Variants in ACBD6 observed in about 807,000 individuals in gnomAD.
ACBD6 encodes the protein acyl-CoA-binding domain-containing protein 6.
ACBD6 carries 28 observed loss-of-function variants against 37.2 expected under a neutral mutation model. That is an observed-to-expected ratio of 0.75 (90% CI 0.56 to 1.03). The LOEUF (loss-of-function observed/expected upper bound fraction) is 1.03. Among genes scored for constraint, ACBD6 ranks in the 50% least tolerant of loss-of-function variants. The pLI, the probability that ACBD6 is intolerant of heterozygous loss-of-function variation, is 0.00. For missense variants in ACBD6, 340 were observed against 337.4 expected (o/e 1.01, Z -0.06); for synonymous variants, 113 against 126.8 (o/e 0.89, Z 0.73).
At chr1:180,451,815 A>G (rs1649719449) in intron 3 of ACBD6, among the ~76,000 whole-genome samples, 1 of 152,246 alleles carries the variant, frequency 6.6e-6, no homozygotes, top group Non-Finnish European at 1.5e-5. Context: ...GTACAACTTC[A>G]TGAATATGCT....
chr1:180,274,133 G>A, intron 10 of ACBD6: 3 of 1,608,046 alleles, frequency 1.9e-6, no homozygotes, highest in South Asian at 1.1e-5. Flanking sequence ...AAGAGCAGGG[G>A]ACCATCAGAG....
chr1:180,299,236 C>T (rs1160363618), intron 7 of ACBD6, among the ~76,000 whole-genome samples: 3 of 152,108 alleles, frequency 2.0e-5, no homozygotes, highest in African/African-American at 7.2e-5. Flanking sequence ...GTGTACTCTG[C>T]CCACCCTTTC....
intron 3 of ACBD6, among the ~76,000 whole-genome samples, chr1:180,479,193 C>T (rs1204648178): frequency 6.6e-6 from 1 of 152,172 alleles, no homozygotes; most frequent in East Asian, 1.9e-4. Context: ...GAAATCAATA[C>T]TTGCATGCTT....
chr1:180,396,112 A>G (rs936278215), intron 6 of ACBD6, among the ~76,000 whole-genome samples: 2 of 152,158 alleles, frequency 1.3e-5, no homozygotes, highest in Non-Finnish European at 2.9e-5. Flanking sequence ...ACAGAAATAG[A>G]AAGTAGAATG....
intron 6 of ACBD6, among the ~76,000 whole-genome samples, chr1:180,353,785 C>CAAAAAAAA (rs56286672): frequency 4.1e-4 from 8 of 19,722 alleles, no homozygotes; most frequent in African/African-American, 1.2e-3. Flanking sequence ...TTAACAACCA[C>CAAAAAAAA]AAAAAAAAAA....
At chr1:180,467,321 T>G (rs1650384590) in intron 3 of ACBD6, among the ~76,000 whole-genome samples, 1 of 150,956 alleles carries the variant, frequency 6.6e-6, no homozygotes, top group Non-Finnish European at 1.5e-5. Context: ...GTATATAAAG[T>G]GAAAAGTAGG....
chr1:180,400,824 T>C (rs919984138), intron 5 of ACBD6, among the ~76,000 whole-genome samples: 36 of 152,174 alleles, frequency 2.4e-4, no homozygotes, highest in African/African-American at 8.7e-4. Flanking sequence ...CAAACACACC[T>C]AGACCACTAC....
At chr1:180,309,076 C>T (rs1650492793) in intron 7 of ACBD6, among the ~76,000 whole-genome samples, 1 of 152,124 alleles carries the variant, frequency 6.6e-6, no homozygotes. Context: ...GTATTTCTAG[C>T]CCCACAGCTC....
downstream of ACBD6, among the ~76,000 whole-genome samples, chr1:180,285,832 A>T (rs1015434193): frequency 6.6e-5 from 10 of 152,050 alleles, no homozygotes; most frequent in African/African-American, 2.4e-4. Context: ...GATATACTAG[A>T]TACAATTCCA....
intron 7 of ACBD6, among the ~76,000 whole-genome samples, chr1:180,310,959 CA>C (rs1218780321): frequency 8.5e-5 from 13 of 152,218 alleles, no homozygotes; most frequent in African/African-American, 3.1e-4. Flanking sequence ...GTCTTATGTA[CA>C]AAGGTACATA....
chr1:180,477,981 A>AT (rs201752045), intron 3 of ACBD6, among the ~76,000 whole-genome samples: 3,162 of 152,052 alleles, frequency 0.021, 59 homozygotes, highest in Non-Finnish European at 0.03. Context: ...ATCTCTTTAA[A>AT]AAAAAAAAAT....
At chr1:180,478,768 G>A (rs1650898872) in intron 3 of ACBD6, among the ~76,000 whole-genome samples, 1 of 152,100 alleles carries the variant, frequency 6.6e-6, no homozygotes, top group Non-Finnish European at 1.5e-5. Context: ...ACAGGCATGA[G>A]TCACCACACC....
intron 5 of ACBD6, 106 bp downstream of exon 5, chr1:180,413,260 C>T: frequency 1.2e-6 from 1 of 818,046 alleles, no homozygotes; most frequent in East Asian, 2.5e-5. Flanking sequence ...TACTCTTAAC[C>T]ATACTGTACT....
chr1:180,273,782 C>T, intron 11 of ACBD6: 1 of 245,636 alleles, frequency 4.1e-6, no homozygotes, highest in South Asian at 5.2e-5. Flanking sequence ...TAAACCAAGC[C>T]CTTTCTCAGC....
At chr1:180,460,206 T>C (rs1650086347) in intron 3 of ACBD6, among the ~76,000 whole-genome samples, 1 of 149,138 alleles carries the variant, frequency 6.7e-6, no homozygotes, top group Non-Finnish European at 1.5e-5. Flanking sequence ...CTTCACTGGG[T>C]GGGACTTACC....
At chr1:180,459,924 C>T (rs370706651) in intron 3 of ACBD6, among the ~76,000 whole-genome samples, 5 of 150,994 alleles carry the variant, frequency 3.3e-5, no homozygotes, top group East Asian at 1.9e-4. Flanking sequence ...AGCAGTATCC[C>T]GGCACAGCAC....
intron 3 of ACBD6, among the ~76,000 whole-genome samples, chr1:180,473,459 A>AAC (rs1553215592): frequency 7.3e-5 from 11 of 150,924 alleles, no homozygotes; most frequent in East Asian, 1.9e-4. Context: ...AAAAAAAAAA[A>AAC]AAAAAACTTT....
chr1:180,495,930 CTG>C (rs1480486459), intron 1 of ACBD6, among the ~76,000 whole-genome samples: 6 of 152,084 alleles, frequency 3.9e-5, no homozygotes, highest in African/African-American at 1.2e-4. Flanking sequence ...ATTCATAACA[CTG>C]TTTCTTCATG....
Position 180,274,233 on chromosome 1 carries a change from A to C in ACBD6, c.*937-121T>G, listed in dbSNP as rs371800371. ...GGCCACACCAATAGGATTTATGGCA[A>C]CGTGGGGGACGTTACAGGCGGACAG... On this transcript the variant is annotated intron_variant, in intron 10 of 13. Coordinates refer to the ACBD6 transcript ENST00000642319. 14 of 1,614,122 alleles carry C rather than the reference A, an allele frequency of 8.7e-6. No homozygotes were observed. In the African/African-American group the frequency reaches 1.9e-4, roughly 22 times the overall value.
Sources: allele counts gnomAD v4.1 joint callset (sites outside exome capture counted in the v4.1 genomes callset), GRCh38; gene constraint gnomAD v4.1.1; transcripts MANE v1.5; gene names NCBI Gene and HGNC (gene_info 2026-07-23, HGNC 2026-07-21).